The following HDAC4 variants were observed in gnomAD, a reference collection of about 807,000 sequenced individuals.
HDAC4 encodes histone deacetylase 4.
HDAC4 carries 16 observed loss-of-function variants against 135.1 expected under a neutral mutation model. That is an observed-to-expected ratio of 0.12 (90% CI 0.08 to 0.18). The LOEUF is 0.18. Ranked by LOEUF, HDAC4 falls within the 10% of genes least tolerant of loss-of-function variation. HDAC4 has a pLI of 1.00. For missense variants in HDAC4, 1,143 were observed against 1,511.8 expected, an observed-to-expected ratio of 0.76 and a Z score of 4.05; for synonymous variants, 685 against 653.4, an observed-to-expected ratio of 1.05 and a Z score of -0.74.
intron 2 of HDAC4, among the ~76,000 whole-genome samples, chr2:239,327,258 C>A (rs567337839): frequency 6.6e-6 from 1 of 152,180 alleles, no homozygotes; most frequent in African/African-American, 2.4e-5. Context: ...GCCTTTCCCA[C>A]GGGGTGGCCC....
intron 19 of HDAC4, among the ~76,000 whole-genome samples, chr2:239,085,031 G>C (rs1046096629): frequency 7.2e-6 from 1 of 138,602 alleles, no homozygotes; most frequent in African/African-American, 2.8e-5. Context: ...GTTCCATACT[G>C]AGACAGACAG....
chr2:239,330,764 G>A (rs1691516522), intron 2 of HDAC4, among the ~76,000 whole-genome samples: 1 of 152,206 alleles, frequency 6.6e-6, no homozygotes, highest in African/African-American at 2.4e-5. Flanking sequence ...AATTCAATGT[G>A]TCAATACAAG....
chr2:239,131,544 G>A (rs2040585867), intron 11 of HDAC4, among the ~76,000 whole-genome samples: 1 of 152,184 alleles, frequency 6.6e-6, no homozygotes, highest in African/African-American at 2.4e-5. Flanking sequence ...GGGGGCAGAC[G>A]AACCACACCT....
At chr2:239,076,872 G>A (rs549294652) in intron 22 of HDAC4, among the ~76,000 whole-genome samples, 6 of 151,972 alleles carry the variant, frequency 3.9e-5, no homozygotes, top group Non-Finnish European at 8.8e-5. Context: ...ACCTTCTCCC[G>A]CTGGATCTCT....
At chr2:239,354,165 T>G (rs1263446695) in intron 1 of HDAC4, among the ~76,000 whole-genome samples, 1 of 152,234 alleles carries the variant, frequency 6.6e-6, no homozygotes, top group Non-Finnish European at 1.5e-5. Flanking sequence ...GTGATACAGC[T>G]GTCTATCACG....
At chr2:239,170,899 C>A (rs1012667002) in intron 5 of HDAC4, among the ~76,000 whole-genome samples, 1 of 152,148 alleles carries the variant, frequency 6.6e-6, no homozygotes, top group Admixed American at 6.5e-5. Context: ...TGAGCTTGTG[C>A]GTAGGACCTC....
intron 2 of HDAC4, among the ~76,000 whole-genome samples, chr2:239,256,312 C>T (rs936606408): frequency 2.0e-5 from 3 of 152,198 alleles, no homozygotes; most frequent in African/African-American, 7.2e-5. Flanking sequence ...AGAGGTCTGG[C>T]TTTAAGTGTG....
intron 16 of HDAC4, among the ~76,000 whole-genome samples, chr2:239,096,963 G>GGCAGGA (rs1559419790): frequency 2.0e-5 from 3 of 152,118 alleles, no homozygotes; most frequent in African/African-American, 2.4e-5. Context: ...AGGAGGCAGG[G>GGCAGGA]GGCAGCAGCT....
At chr2:239,123,382 G>A (rs1189175046) in intron 12 of HDAC4, among the ~76,000 whole-genome samples, 1 of 152,166 alleles carries the variant, frequency 6.6e-6, no homozygotes, top group Non-Finnish European at 1.5e-5. Context: ...GAGGGCTTGG[G>A]GGTGGAGGGG....
At chr2:239,101,785 C>T (rs990498240) in intron 16 of HDAC4, among the ~76,000 whole-genome samples, 2 of 152,064 alleles carry the variant, frequency 1.3e-5, no homozygotes, top group African/African-American at 4.8e-5. Context: ...GGTCTGGGTT[C>T]TGTGCCCTGG....
chr2:239,379,018 C>T (rs780071473), intron 1 of HDAC4, among the ~76,000 whole-genome samples: 1 of 152,132 alleles, frequency 6.6e-6, no homozygotes, highest in Non-Finnish European at 1.5e-5. Context: ...CAGTGTCAGC[C>T]GCAGGGGTGG....
chr2:239,337,000 A>G (rs915573651), intron 2 of HDAC4, among the ~76,000 whole-genome samples: 1 of 152,196 alleles, frequency 6.6e-6, no homozygotes, highest in African/African-American at 2.4e-5. Context: ...GCCTGGCAAG[A>G]GTAGACTGTA....
At chr2:239,215,663 TCTC>T (rs2046592632) in intron 3 of HDAC4, among the ~76,000 whole-genome samples, 1 of 151,934 alleles carries the variant, frequency 6.6e-6, no homozygotes, top group Non-Finnish European at 1.5e-5. Context: ...CTCTCTCTAA[TCTC>T]CAGACAGCAG....
chr2:239,324,986 A>C (rs919035854), intron 2 of HDAC4, among the ~76,000 whole-genome samples: 5 of 152,222 alleles, frequency 3.3e-5, no homozygotes, highest in Admixed American at 2.0e-4. Flanking sequence ...ACAGCAGCTA[A>C]AGGCAAGCAA....
At chr2:239,244,360 C>A (rs746371323) in intron 2 of HDAC4, among the ~76,000 whole-genome samples, 4 of 152,138 alleles carry the variant, frequency 2.6e-5, no homozygotes, top group Non-Finnish European at 1.5e-5. Flanking sequence ...TGTGAGAAAG[C>A]GCTGCGCGAG....
At chr2:239,353,614 A>G (rs1395725996) in intron 1 of HDAC4, among the ~76,000 whole-genome samples, 2 of 152,070 alleles carry the variant, frequency 1.3e-5, no homozygotes, top group African/African-American at 4.8e-5. Context: ...GGGAGTGCCA[A>G]AGGTCCTCTG....
rs138795885 is a variant in HDAC4, at chr2:239,163,680, C to A, written c.611+123G>T. 9.9e-5 allele frequency: 104 copies of A among 1,055,116 alleles called. 1 individual carries two copies. In the African/African-American group the frequency reaches 1.0e-3, roughly 10 times the overall value. The allele number at this position is 1,055,116 out of a possible 1,614,324, so 65.4% of individuals were successfully genotyped here. On this transcript the variant is annotated intron_variant, in intron 6 of 26. Transcript: ENST00000543185. Reference sequence around the variant, plus strand: ...CCGAGCACCACTGTGCTTGGGGTTTCAATTCCTCACCCTCCTTCCCTGCCT... The same window carrying A: ...CCGAGCACCACTGTGCTTGGGGTTTAAATTCCTCACCCTCCTTCCCTGCCT...
intron 15 of HDAC4, among the ~76,000 whole-genome samples, chr2:239,103,390 G>A (rs2152767567): frequency 6.6e-6 from 1 of 152,294 alleles, no homozygotes; most frequent in East Asian, 1.9e-4. Context: ...GCTGGCATCC[G>A]GCTGCGTCTC....
chr2:239,206,663 GAA>G (rs35571265), intron 3 of HDAC4, among the ~76,000 whole-genome samples: 22 of 130,900 alleles, frequency 1.7e-4, no homozygotes, highest in South Asian at 7.2e-4. Flanking sequence ...CTCAAGGACT[GAA>G]AAAAAAAAAA....
Sources: allele counts gnomAD v4.1 joint callset (sites outside exome capture counted in the v4.1 genomes callset), GRCh38; gene constraint gnomAD v4.1.1; transcripts MANE v1.5; gene names NCBI Gene and HGNC (gene_info 2026-07-23, HGNC 2026-07-21).